The following SNTB1 variants were observed in gnomAD, a reference collection of about 807,000 sequenced individuals.
SNTB1 encodes syntrophin beta 1.
A neutral mutation model predicts 48.9 loss-of-function variants in SNTB1; 36 were observed. The observed-to-expected ratio is 0.74, with a 90% CI of 0.56 to 0.97. SNTB1 has a LOEUF of 0.97. Among genes scored for constraint, SNTB1 ranks in the 50% least tolerant of loss-of-function variants. The pLI, the probability that SNTB1 is intolerant of heterozygous loss-of-function variation, is 0.00. For missense variants in SNTB1, 786 were observed against 703.4 expected, an observed-to-expected ratio of 1.12 and a Z score of -1.33; for synonymous variants, 299 against 294.6, an observed-to-expected ratio of 1.01 and a Z score of -0.15.
At chr8:120,728,985 CTTT>C (rs61106051) in intron 1 of SNTB1, among the ~76,000 whole-genome samples, 203 of 145,592 alleles carry the variant, frequency 1.4e-3, no homozygotes, top group African/African-American at 4.9e-3. Flanking sequence ...GTTTACTGAC[CTTT>C]TTTTTTTTTT....
chr8:120,659,184 A>C (rs1247545524), intron 2 of SNTB1, among the ~76,000 whole-genome samples: 3 of 152,062 alleles, frequency 2.0e-5, no homozygotes, highest in African/African-American at 7.2e-5. Flanking sequence ...GGCTGGTCTC[A>C]AACTCCTGAA....
intron 2 of SNTB1, among the ~76,000 whole-genome samples, chr8:120,674,372 G>A (rs1036396816): frequency 6.6e-6 from 1 of 152,208 alleles, no homozygotes; most frequent in Non-Finnish European, 1.5e-5. Flanking sequence ...ACTGGGAGAT[G>A]GAATGAAGAG....
intron 2 of SNTB1, among the ~76,000 whole-genome samples, chr8:120,643,220 T>A (rs1167812565): frequency 6.6e-6 from 1 of 152,242 alleles, no homozygotes; most frequent in Admixed American, 6.5e-5. Flanking sequence ...CTGCTATGCC[T>A]TTTCTGATCT....
At chr8:120,685,103 T>C (rs1818007320) in intron 2 of SNTB1, among the ~76,000 whole-genome samples, 1 of 152,244 alleles carries the variant, frequency 6.6e-6, no homozygotes, top group South Asian at 2.1e-4. Flanking sequence ...GCAGTTCTTA[T>C]GGGTTGAAGT....
intron 1 of SNTB1, among the ~76,000 whole-genome samples, chr8:120,714,285 T>C (rs971192455): frequency 2.0e-5 from 3 of 152,012 alleles, no homozygotes. Flanking sequence ...GTGCAAGCCA[T>C]CCATAATGCT....
At chr8:120,666,217 T>TTC (rs1439571642) in intron 2 of SNTB1, among the ~76,000 whole-genome samples, 1 of 152,258 alleles carries the variant, frequency 6.6e-6, no homozygotes, top group Non-Finnish European at 1.5e-5. Flanking sequence ...TGATGTAATT[T>TTC]TCTCTCTGCC....
intron 1 of SNTB1, among the ~76,000 whole-genome samples, chr8:120,806,212 G>A (rs770867765): frequency 1.3e-4 from 20 of 152,166 alleles, no homozygotes; most frequent in Admixed American, 2.0e-4. Context: ...TTTTAGCAAC[G>A]AAGTGCAGAA....
chr8:120,544,790 CTTTTTTTT>C (rs113100073), intron 5 of SNTB1, among the ~76,000 whole-genome samples: 1 of 114,170 alleles, frequency 8.8e-6, no homozygotes, highest in African/African-American at 3.4e-5. Flanking sequence ...AAATTCAAAA[CTTTTTTTT>C]TTTTTTTTTT....
chr8:120,620,439 A>G (rs1816775661), intron 3 of SNTB1, among the ~76,000 whole-genome samples: 1 of 152,214 alleles, frequency 6.6e-6, no homozygotes, highest in South Asian at 2.1e-4. Flanking sequence ...AAATCCAGGT[A>G]GGTCTCCATG....
At chr8:120,652,717 C>T (rs1267447156) in intron 2 of SNTB1, among the ~76,000 whole-genome samples, 1 of 152,076 alleles carries the variant, frequency 6.6e-6, no homozygotes, top group Non-Finnish European at 1.5e-5. Context: ...TGATAACATT[C>T]ACAGGGTTAC....
chr8:120,807,680 G>T (rs1001734126), intron 1 of SNTB1, among the ~76,000 whole-genome samples: 1 of 152,034 alleles, frequency 6.6e-6, no homozygotes, highest in African/African-American at 2.4e-5. Flanking sequence ...CCTCCTTCCC[G>T]TCCCTCCCTT....
intron 3 of SNTB1, among the ~76,000 whole-genome samples, chr8:120,586,617 C>G (rs1816145701): frequency 6.6e-6 from 1 of 152,210 alleles, no homozygotes; most frequent in East Asian, 1.9e-4. Flanking sequence ...CTCTCCATCT[C>G]AAGATCCTAA....
chr8:120,542,637 G>C (rs2130643891), intron 5 of SNTB1, among the ~76,000 whole-genome samples: 1 of 152,118 alleles, frequency 6.6e-6, no homozygotes, highest in South Asian at 2.1e-4. Flanking sequence ...CTGGGCGACA[G>C]AGCAAGACTC....
At chr8:120,717,277 C>T (rs1014908635) in intron 1 of SNTB1, among the ~76,000 whole-genome samples, 3 of 152,158 alleles carry the variant, frequency 2.0e-5, no homozygotes, top group Non-Finnish European at 2.9e-5. Flanking sequence ...GAAATATCAC[C>T]TGCTATCCCA....
chr8:120,798,309 C>T lies in SNTB1; in HGVS notation c.571+12964G>A, dbSNP rs10090787. On this transcript the variant is annotated intron_variant, in intron 1 of 6. Transcript: ENST00000517992. ...CAAGTGACCATAATATGTGGTCAAG[C>T]ATGAGAACCAGAGCTGTAGGCTGTA... is the stretch of plus-strand genomic sequence containing the variant. 0.34 allele frequency among the ~76,000 whole-genome samples: 51,629 copies of T among 151,792 alleles called. 9,253 individuals carry two copies. The highest frequency in any genetic ancestry group is 0.44 in the African/African-American group (18,292 of 41,356).
chr8:120,544,790 CTT>C (rs113100073), intron 5 of SNTB1, among the ~76,000 whole-genome samples: 15,590 of 113,942 alleles, frequency 0.14, 640 homozygotes, highest in Non-Finnish European at 0.16. Context: ...AAATTCAAAA[CTT>C]TTTTTTTTTT....
At chr8:120,592,411 A>G (rs1430186700) in intron 3 of SNTB1, among the ~76,000 whole-genome samples, 1 of 151,714 alleles carries the variant, frequency 6.6e-6, no homozygotes, top group Non-Finnish European at 1.5e-5. Context: ...CTGGTCTCGA[A>G]CTCCTGGCCT....
chr8:120,749,535 A>G (rs1241106541), intron 1 of SNTB1, among the ~76,000 whole-genome samples: 1 of 151,304 alleles, frequency 6.6e-6, no homozygotes, highest in Non-Finnish European at 1.5e-5. Flanking sequence ...ATCTTATTCT[A>G]TTTTTTTCTG....
chr8:120,667,400 A>G lies in SNTB1; in HGVS notation c.788+26292T>C, dbSNP rs575126590. ...TGGAGAGAAGTGTTTGGAAATCCAC[A>G]TGTGAGGAAGAATAGACAGGACTCA... On this transcript the variant is annotated intron_variant, in intron 2 of 6. Transcript: ENST00000517992. Among the ~76,000 whole-genome samples the G allele has an allele frequency of 2.6e-4, 39 of 152,306 alleles. No individual in the cohort carries two copies. The East Asian group carries it at 6.4e-3, about 25-fold the overall frequency.
Sources: gnomAD v4.1 joint callset for allele counts (sites outside exome capture counted in the v4.1 genomes callset) on GRCh38, gnomAD v4.1.1 for gene constraint, MANE v1.5 for transcripts, NCBI Gene and HGNC (gene_info 2026-07-23, HGNC 2026-07-21) for gene names.